The following CACNA2D3 variants were observed in gnomAD, a reference collection of about 807,000 sequenced individuals.
CACNA2D3 encodes voltage-dependent calcium channel subunit alpha-2/delta-3.
CACNA2D3 carries 60 observed loss-of-function variants against 160.6 expected under a neutral mutation model. The observed-to-expected ratio is 0.37, with a 90% CI of 0.30 to 0.46. The LOEUF is 0.46. Among genes scored for constraint, CACNA2D3 ranks in the 20% least tolerant of loss-of-function variants. The pLI, the probability that CACNA2D3 is intolerant of heterozygous loss-of-function variation, is 1.00. For missense variants in CACNA2D3, 1,205 were observed against 1,365.0 expected (o/e 0.88, Z 1.85); for synonymous variants, 558 against 492.9 (o/e 1.13, Z -1.75).
intron 35 of CACNA2D3, among the ~76,000 whole-genome samples, chr3:55,038,716 A>C (rs1703887499): frequency 6.6e-6 from 1 of 151,958 alleles, no homozygotes; most frequent in Non-Finnish European, 1.5e-5. Context: ...CAGGTAGAAC[A>C]GTTCCATAAA....
chr3:54,605,289 G>A (rs1312978858), intron 9 of CACNA2D3, among the ~76,000 whole-genome samples: 2 of 152,052 alleles, frequency 1.3e-5, no homozygotes, highest in South Asian at 2.1e-4. Context: ...TCTTTTGTGG[G>A]GGACACAATT....
At chr3:54,733,856 C>G (rs999678677) in intron 11 of CACNA2D3, among the ~76,000 whole-genome samples, 3 of 151,964 alleles carry the variant, frequency 2.0e-5, no homozygotes, top group Non-Finnish European at 2.9e-5. Flanking sequence ...AAGATGATGT[C>G]GATTTAATTT....
intron 3 of CACNA2D3, among the ~76,000 whole-genome samples, chr3:54,362,822 C>G (rs1301342172): frequency 6.6e-6 from 1 of 152,146 alleles, no homozygotes; most frequent in Non-Finnish European, 1.5e-5. Flanking sequence ...GGACCATGTA[C>G]AAATGTCAGT....
chr3:54,378,941 T>C (rs781738170), intron 3 of CACNA2D3, among the ~76,000 whole-genome samples: 16 of 152,352 alleles, frequency 1.1e-4, no homozygotes, highest in Non-Finnish European at 2.1e-4. Context: ...ATTAATTTAA[T>C]CAGCCTCAAA....
At chr3:54,611,779 A>T (rs1698753418) in intron 9 of CACNA2D3, among the ~76,000 whole-genome samples, 1 of 152,076 alleles carries the variant, frequency 6.6e-6, no homozygotes, top group South Asian at 2.1e-4. Context: ...TTTTGGCAGG[A>T]TGTGGAGAGA....
At chr3:54,194,611 T>A (rs542665533) in intron 2 of CACNA2D3, among the ~76,000 whole-genome samples, 2 of 152,344 alleles carry the variant, frequency 1.3e-5, no homozygotes, top group Non-Finnish European at 2.9e-5. Context: ...ACTGGGTAAT[T>A]TATGAAGAAC....
chr3:54,929,599 T>G (rs1559634126), intron 27 of CACNA2D3, among the ~76,000 whole-genome samples: 2 of 151,790 alleles, frequency 1.3e-5, no homozygotes, highest in South Asian at 4.2e-4. Context: ...AAAGCCCACT[T>G]TACGCAACCT....
intron 2 of CACNA2D3, among the ~76,000 whole-genome samples, chr3:54,260,885 A>G (rs1702389950): frequency 6.6e-6 from 1 of 152,130 alleles, no homozygotes; most frequent in South Asian, 2.1e-4. Context: ...CAGGCAATCT[A>G]AAGTCTTTTG....
intron 9 of CACNA2D3, among the ~76,000 whole-genome samples, chr3:54,627,193 A>G (rs1021243778): frequency 6.6e-6 from 1 of 152,232 alleles, no homozygotes; most frequent in Non-Finnish European, 1.5e-5. Context: ...GAAATGTCAC[A>G]GTCTTAGGTG....
At chr3:54,920,863 C>T (rs985779982) in intron 27 of CACNA2D3, among the ~76,000 whole-genome samples, 4 of 152,148 alleles carry the variant, frequency 2.6e-5, no homozygotes, top group Admixed American at 2.6e-4. Context: ...TGTGTTTCTC[C>T]AGTTCCAGAC....
intron 2 of CACNA2D3, among the ~76,000 whole-genome samples, chr3:54,278,624 C>T (rs942467812): frequency 5.9e-5 from 9 of 152,242 alleles, no homozygotes; most frequent in Non-Finnish European, 1.2e-4. Context: ...GAAAATGTGG[C>T]ACATATATAC....
At chr3:54,211,239 A>C (rs137886796) in intron 2 of CACNA2D3, among the ~76,000 whole-genome samples, 13 of 152,080 alleles carry the variant, frequency 8.5e-5, no homozygotes, top group African/African-American at 3.1e-4. Flanking sequence ...TTTTCCATTT[A>C]AGAATACATT....
At chr3:54,332,491 G>C (rs1463741900) in intron 3 of CACNA2D3, among the ~76,000 whole-genome samples, 1 of 152,214 alleles carries the variant, frequency 6.6e-6, no homozygotes, top group African/African-American at 2.4e-5. Context: ...GCATGCATGT[G>C]TATTTACTTA....
At chr3:54,311,582 C>CCTCT (rs1212547857) in intron 2 of CACNA2D3, among the ~76,000 whole-genome samples, 1 of 152,208 alleles carries the variant, frequency 6.6e-6, no homozygotes, top group Admixed American at 6.5e-5. Context: ...GAGTAACATA[C>CCTCT]CTCTACTGCA....
intron 27 of CACNA2D3, among the ~76,000 whole-genome samples, chr3:54,953,133 A>G (rs1300594665): frequency 6.6e-6 from 1 of 152,214 alleles, no homozygotes; most frequent in African/African-American, 2.4e-5. Flanking sequence ...TGTGGGTGAC[A>G]TTTACTGAAT....
At chr3:54,691,289 C>A (rs1173983348) in intron 11 of CACNA2D3, among the ~76,000 whole-genome samples, 1 of 152,224 alleles carries the variant, frequency 6.6e-6, no homozygotes, top group Non-Finnish European at 1.5e-5. Flanking sequence ...TGCACTGACT[C>A]TTCTGCTCCC....
At chr3:54,217,006 C>T (rs575895010) in intron 2 of CACNA2D3, among the ~76,000 whole-genome samples, 6 of 152,216 alleles carry the variant, frequency 3.9e-5, no homozygotes, top group East Asian at 1.9e-4. Context: ...ACTGAGGCAG[C>T]GAGTGCTGTT....
chr3:54,935,756 G>T (rs983730156), intron 27 of CACNA2D3, among the ~76,000 whole-genome samples: 13 of 152,252 alleles, frequency 8.5e-5, no homozygotes, highest in African/African-American at 2.9e-4. Flanking sequence ...TTAAATTATA[G>T]CTTACTGTAT....
At chr3:54,328,303 C>A (rs968345824) in intron 3 of CACNA2D3, among the ~76,000 whole-genome samples, 1 of 152,046 alleles carries the variant, frequency 6.6e-6, no homozygotes, top group Non-Finnish European at 1.5e-5. Context: ...GGTTTTGAGA[C>A]GCAGTTTCAC....
Sources: allele counts gnomAD v4.1 joint callset (sites outside exome capture counted in the v4.1 genomes callset), GRCh38; gene constraint gnomAD v4.1.1; transcripts MANE v1.5; gene names NCBI Gene and HGNC (gene_info 2026-07-23, HGNC 2026-07-21).